Variants in PRKG1 observed in about 807,000 individuals in gnomAD.
The protein encoded by PRKG1 is protein kinase cGMP-dependent 1, also known as cGMP-dependent protein kinase 1.
PRKG1 carries 35 observed loss-of-function variants against 88.1 expected under a neutral mutation model. That is an observed-to-expected ratio of 0.40 (90% CI 0.30 to 0.53). PRKG1 has a LOEUF of 0.53. Ranked by LOEUF, PRKG1 falls within the 20% of genes least tolerant of loss-of-function variation. The pLI is 0.59. For synonymous variants in PRKG1, 303 were observed against 292.5 expected (o/e 1.04, Z -0.37); for missense variants, 540 against 839.8 (o/e 0.64, Z 4.41).
chr10:51,146,022 A>G (rs1210757424), intron 1 of PRKG1, among the ~76,000 whole-genome samples: 1 of 151,654 alleles, frequency 6.6e-6, no homozygotes, highest in Admixed American at 6.6e-5. Context: ...CGAAAAAACA[A>G]ACAAACAAAC....
chr10:51,288,598 T>C (rs1840503070), intron 2 of PRKG1, among the ~76,000 whole-genome samples: 1 of 152,184 alleles, frequency 6.6e-6, no homozygotes, highest in Non-Finnish European at 1.5e-5. Context: ...GAATAAGAAA[T>C]GAAATTCTAT....
chr10:52,147,653 CAG>C (rs1837769677), intron 8 of PRKG1, among the ~76,000 whole-genome samples: 1 of 152,082 alleles, frequency 6.6e-6, no homozygotes, highest in African/African-American at 2.4e-5. Context: ...GGCAGCGAAA[CAG>C]AGGATGCTTC....
chr10:51,623,153 C>G (rs1230273281), intron 3 of PRKG1, among the ~76,000 whole-genome samples: 1 of 152,210 alleles, frequency 6.6e-6, no homozygotes, highest in Non-Finnish European at 1.5e-5. Flanking sequence ...TATGTGGGGA[C>G]AGAGAAATGT....
At position 51,934,254 on chromosome 10, in the gene PRKG1, A is replaced by ACCC. The variant is rs58734959; in HGVS notation, c.762+26692_762+26694dup. On this transcript the variant is annotated intron_variant, in intron 5 of 17. Transcript: ENST00000373980. ...GTTGTGTGCATGATTACACACACAT[A>ACCC]CCCCCCCCCCAACACCGCCCACACA... 3.6e-3 allele frequency among the ~76,000 whole-genome samples: 519 copies of ACCC among 143,848 alleles called. 5 individuals carry two copies. The highest frequency in any genetic ancestry group is 9.7e-3 in the African/African-American group (378 of 38,994). The allele number at this position is 143,848 out of a possible 152,430, so 94.4% of individuals were successfully genotyped here.
intron 2 of PRKG1, among the ~76,000 whole-genome samples, chr10:51,347,966 G>A (rs1842152036): frequency 6.6e-6 from 1 of 152,050 alleles, no homozygotes; most frequent in Non-Finnish European, 1.5e-5. Context: ...GGGAGGCTGA[G>A]GCAGGACAAT....
intron 3 of PRKG1, among the ~76,000 whole-genome samples, chr10:51,765,143 A>G (rs946032248): frequency 6.6e-6 from 1 of 152,186 alleles, no homozygotes; most frequent in Admixed American, 6.5e-5. Flanking sequence ...AATTCCTTTT[A>G]GGTATCCTTG....
chr10:51,026,574 G>A (rs1843208572), intron 1 of PRKG1, among the ~76,000 whole-genome samples: 4 of 152,178 alleles, frequency 2.6e-5, no homozygotes. Context: ...CACCAAGTGA[G>A]CACTCTTGAC....
chr10:51,292,183 C>T (rs1840599846), intron 2 of PRKG1, among the ~76,000 whole-genome samples: 2 of 152,162 alleles, frequency 1.3e-5, no homozygotes, highest in Admixed American at 6.5e-5. Flanking sequence ...GTTACTCTGA[C>T]CCTAAAGTTG....
Position 52,293,930 on chromosome 10 carries a change from T to A in PRKG1, c.*30T>A. 2 of 1,555,710 alleles carry A rather than the reference T, an allele frequency of 1.3e-6. No individual in the cohort carries two copies. The highest frequency in any genetic ancestry group is 1.1e-5 in the South Asian group (1 of 88,120). On this transcript the variant is annotated 3_prime_UTR_variant, in exon 18 of 18. Transcript: ENST00000373980. ...TTTCTCTTACCTGCTTCTGCCTTGC[T>A]GAAGACAGCTTTTTCTGAGACACAG...
At chr10:51,853,530 C>T (rs1247530581) in intron 4 of PRKG1, among the ~76,000 whole-genome samples, 3 of 152,138 alleles carry the variant, frequency 2.0e-5, no homozygotes, top group African/African-American at 4.8e-5. Context: ...TCTATTAGTA[C>T]AGTGTGTACT....
At chr10:51,790,596 A>C (rs566758591) in intron 3 of PRKG1, among the ~76,000 whole-genome samples, 1 of 152,138 alleles carries the variant, frequency 6.6e-6, no homozygotes, top group Non-Finnish European at 1.5e-5. Flanking sequence ...TTTCTTTTGA[A>C]TCCCCTAGAG....
At chr10:52,226,546 C>A (rs578167594) in intron 9 of PRKG1, among the ~76,000 whole-genome samples, 1 of 151,132 alleles carries the variant, frequency 6.6e-6, no homozygotes, top group African/African-American at 2.5e-5. Flanking sequence ...CAATTAAAAT[C>A]GTATTTCCAT....
At chr10:51,730,441 C>A (rs1185621061) in intron 3 of PRKG1, among the ~76,000 whole-genome samples, 1 of 152,158 alleles carries the variant, frequency 6.6e-6, no homozygotes, top group African/African-American at 2.4e-5. Flanking sequence ...TTTGACCTTG[C>A]AGAGAGTTCT....
intron 9 of PRKG1, among the ~76,000 whole-genome samples, chr10:52,200,877 G>A (rs1564513951): frequency 6.6e-6 from 1 of 152,016 alleles, no homozygotes; most frequent in Non-Finnish European, 1.5e-5. Context: ...ATCTGGTCAT[G>A]TCCTTTGCCC....
chr10:52,088,197 T>C (rs1425060757), intron 7 of PRKG1, among the ~76,000 whole-genome samples: 1 of 152,102 alleles, frequency 6.6e-6, no homozygotes, highest in Non-Finnish European at 1.5e-5. Flanking sequence ...TTCTTTGCCT[T>C]ATTTTTTTAA....
At chr10:51,939,670 T>C (rs1037458172) in intron 5 of PRKG1, among the ~76,000 whole-genome samples, 2 of 151,914 alleles carry the variant, frequency 1.3e-5, no homozygotes, top group Admixed American at 1.3e-4. Flanking sequence ...TTTTTTGGCC[T>C]CTGGTAAGTA....
intron 3 of PRKG1, among the ~76,000 whole-genome samples, chr10:51,510,600 A>G (rs965326653): frequency 2.6e-5 from 4 of 152,188 alleles, no homozygotes; most frequent in Admixed American, 1.3e-4. Flanking sequence ...TTTTGAGAAT[A>G]TTGTACATTT....
At chr10:52,175,893 A>G (rs1349025738) in intron 9 of PRKG1, among the ~76,000 whole-genome samples, 5 of 152,118 alleles carry the variant, frequency 3.3e-5, no homozygotes, top group Non-Finnish European at 7.4e-5. Context: ...TTTGGATAGT[A>G]ATGCCCTATT....
At chr10:51,142,208 G>A (rs1421380775) in intron 1 of PRKG1, among the ~76,000 whole-genome samples, 1 of 152,104 alleles carries the variant, frequency 6.6e-6, no homozygotes, top group Non-Finnish European at 1.5e-5. Flanking sequence ...ATCCATTGCT[G>A]AATTCAAGAC....
Sources: allele counts gnomAD v4.1 joint callset (sites outside exome capture counted in the v4.1 genomes callset), GRCh38; gene constraint gnomAD v4.1.1; transcripts MANE v1.5; gene names NCBI Gene and HGNC (gene_info 2026-07-23, HGNC 2026-07-21).